TLR5: variants seen among roughly 807,000 people sequenced by gnomAD.
TLR5 encodes toll like receptor 5, also known as toll-like receptor 5.
For synonymous variants in TLR5, 373 were observed against 384.4 expected (o/e 0.97, Z 0.35); for missense variants, 944 against 999.8 (o/e 0.94, Z 0.75).
rs1656255413 is a variant in TLR5 at position 223,110,395 on chromosome 1, T to C, written c.*60A>G. On this transcript the variant is annotated 3_prime_UTR_variant, in exon 6 of 6. Transcript: ENST00000642603. ...AGAGGACCCCAAAATGATAACTTGG[T>C]GCAAATACAAAGTGAAGAGTTATTT... 6.3e-7 allele frequency: 1 copy of C among 1,585,122 alleles called. No homozygotes were observed. Among genetic ancestry groups the C allele is most frequent in the Non-Finnish European group, 8.6e-7 (1 of 1,157,198 alleles).
chr1:223,121,889 G>A lies in TLR5; in HGVS notation c.-4-8854C>T, dbSNP rs556142210. On this transcript the variant is annotated intron_variant, in intron 5 of 5. Coordinates refer to ENST00000642603, the MANE Select transcript of TLR5 (RefSeq NM_003268.6). ...CACTTTCTGTCTCAGTGAATTTCTTGTGGCTTCAAATGGGCCTCAGAGGTA... is the reference window on the plus strand; with the variant it reads ...CACTTTCTGTCTCAGTGAATTTCTTATGGCTTCAAATGGGCCTCAGAGGTA... Among the ~76,000 whole-genome samples, 408 of 152,334 alleles carry A rather than the reference G, an allele frequency of 2.7e-3. 3 individuals are homozygous for A. Among genetic ancestry groups the A allele is most frequent in the African/African-American group, 9.3e-3 (385 of 41,576 alleles).
chr1:223,117,062 G>C (rs957178368), intron 5 of TLR5, among the ~76,000 whole-genome samples: 2 of 152,192 alleles, frequency 1.3e-5, no homozygotes, highest in Non-Finnish European at 2.9e-5. Flanking sequence ...ACCACAGGGG[G>C]ACTCGGGTAT....
Position 223,111,948 on chromosome 1 carries a change from C to T in TLR5, c.1084G>A (p.Val362Ile), listed in dbSNP as rs761121432. 17 of 1,614,000 alleles carry T rather than the reference C, an allele frequency of 1.1e-5. No homozygotes were observed. Among genetic ancestry groups the T allele is most frequent in the Non-Finnish European group, 1.2e-5 (14 of 1,180,048 alleles). ...YSSNFYGLPK[V>I]AYIDLQKNHI... ...TTCTTTTGCAAATCAATGTAGGCTACCTTAGGTAGTCCATAGAAATTCGAA... is the reference window on the plus strand; with the variant it reads ...TTCTTTTGCAAATCAATGTAGGCTATCTTAGGTAGTCCATAGAAATTCGAA... Residue 362 changes from valine (V) to isoleucine (I), a missense_variant, in exon 6 of 6, where the codon GTA (valine) becomes ATA (isoleucine). Physicochemically the swap from Val to Ile is conservative, Grantham distance 29. Transcript: ENST00000642603.
At chr1:223,133,237 A>T (rs1238689948) in intron 4 of TLR5, among the ~76,000 whole-genome samples, 1 of 152,216 alleles carries the variant, frequency 6.6e-6, no homozygotes, top group Non-Finnish European at 1.5e-5. Context: ...GAGGTTAAGC[A>T]CTTGTCTAAG....
chr1:223,134,896 C>G (rs1397566525), intron 3 of TLR5, 32 bp from the exon 4 acceptor site: 1 of 151,726 alleles, frequency 6.6e-6, no homozygotes, highest in Non-Finnish European at 1.5e-5. Context: ...ATCTGCTAAG[C>G]GCTGCAAAAA....
chr1:223,115,683 G>A (rs1180508074), intron 5 of TLR5, among the ~76,000 whole-genome samples: 2 of 152,172 alleles, frequency 1.3e-5, no homozygotes, highest in African/African-American at 2.4e-5. Context: ...GACAGGCAGA[G>A]GTAAATGCAA....
chr1:223,127,289 G>A (rs1485058913), intron 5 of TLR5: 2 of 152,234 alleles, frequency 1.3e-5, no homozygotes, highest in East Asian at 1.9e-4. Context: ...AACCTGGAGG[G>A]CCATTGGAAC....
chr1:223,113,651 G>A (rs898945302), intron 5 of TLR5, among the ~76,000 whole-genome samples: 3 of 151,756 alleles, frequency 2.0e-5, no homozygotes, highest in Admixed American at 6.6e-5. Flanking sequence ...TAGAGATGGG[G>A]GTCTCGCTTT....
intron 1 of TLR5, 51 bp from the exon 2 acceptor site, chr1:223,141,814 TATATATATAGAGAGAGAGAGAGAGAG>T (rs1273767324): frequency 2.1e-5 from 1 of 46,854 alleles, no homozygotes; most frequent in Admixed American, 2.5e-4. Context: ...TATATATATA[TATATATATAGAGAGAGAGAGAGAGAG>T]AGAGAGAGAG....
chr1:223,118,384 T>C (rs1017568879), intron 5 of TLR5, among the ~76,000 whole-genome samples: 3 of 151,092 alleles, frequency 2.0e-5, no homozygotes, highest in African/African-American at 7.3e-5. Flanking sequence ...CCATCTCTAC[T>C]AAAAATACAA....
In TLR5 at chr1:223,116,619, C is replaced by T. The variant is rs115429845; in HGVS notation, c.-4-3584G>A. The stretch of plus-strand genomic sequence containing the variant: ...GCAGTGGGCTGCCACTGCTGGCCGC[C>T]GCAGCCTGCTTTTATTTCCTTATCT... On this transcript the variant is annotated intron_variant, in intron 5 of 5. Transcript: ENST00000642603. 2.7e-3 allele frequency among the ~76,000 whole-genome samples: 412 copies of T among 152,270 alleles called. 3 individuals carry two copies. Among genetic ancestry groups the T allele is most frequent in the African/African-American group, 9.3e-3 (387 of 41,552 alleles).
At chr1:223,139,962 GGC>G (rs1285624150) in intron 2 of TLR5, among the ~76,000 whole-genome samples, 1 of 152,094 alleles carries the variant, frequency 6.6e-6, no homozygotes, top group Non-Finnish European at 1.5e-5. Context: ...CACCAAATTC[GGC>G]TCAGGGGAGC....
chr1:223,113,891 C>G (rs1043726184), intron 5 of TLR5, among the ~76,000 whole-genome samples: 1 of 152,202 alleles, frequency 6.6e-6, no homozygotes, highest in African/African-American at 2.4e-5. Context: ...CCGGGTACCC[C>G]GTTCCTAGCC....
At position 223,131,253 on chromosome 1, in the gene TLR5, G is replaced by C. The variant is rs1358057383; in HGVS notation, c.-5+1222C>G. 1.3e-5 allele frequency among the ~76,000 whole-genome samples: 2 copies of C among 152,166 alleles called. No individual in the cohort carries two copies. The highest frequency in any genetic ancestry group is 4.1e-4 in the South Asian group (2 of 4,828). On this transcript the variant is annotated intron_variant, in intron 5 of 5. Transcript: ENST00000642603. The surrounding 1 kb of genome is among the most constrained non-coding windows in gnomAD (Gnocchi z 4.2). The stretch of plus-strand genomic sequence containing the variant: ...CAGACTCTAAGTGAATTCTGGAATG[G>C]TTGACTAGAGAGGCCCTCAGGGCTT...
At chr1:223,120,158 C>T (rs1352973911) in intron 5 of TLR5, among the ~76,000 whole-genome samples, 1 of 151,826 alleles carries the variant, frequency 6.6e-6, no homozygotes, top group Non-Finnish European at 1.5e-5. Flanking sequence ...TGTAGAGAAT[C>T]CCCTTCCCTT....
In TLR5 at chr1:223,110,872, A is replaced by T. The variant is rs142143294; in HGVS notation, c.2160T>A (p.Ser720Arg). The T allele has an allele frequency of 3.1e-3, 4,924 of 1,614,248 alleles. 15 individuals are homozygous for T. Among genetic ancestry groups the T allele is most frequent in the Non-Finnish European group, 4.1e-3 (4,787 of 1,180,046 alleles). ...ALLKHLDTQY[S>R]DQNRFNLCFE... ...AGCACAGGTTGAATCTGTTTTGGTC[A>T]CTGTATTGAGTGTCCAGGTGTTTGA... Residue 720 changes from serine to arginine, a missense_variant, in exon 6 of 6, where the codon AGT becomes AGA. Transcript: ENST00000642603.
At chr1:223,122,057 C>T (rs1198432138) in intron 5 of TLR5, among the ~76,000 whole-genome samples, 1 of 152,166 alleles carries the variant, frequency 6.6e-6, no homozygotes, top group Non-Finnish European at 1.5e-5. Flanking sequence ...GAGGGTGTTA[C>T]AGTTCAGAAG....
At chr1:223,125,725 T>A (rs988858845) in intron 5 of TLR5, among the ~76,000 whole-genome samples, 135 of 152,100 alleles carry the variant, frequency 8.9e-4, no homozygotes, top group African/African-American at 3.2e-3. Context: ...AATTTGAGAA[T>A]CACTGATGGA....
chr1:223,127,630 A>G (rs1657222940), intron 5 of TLR5: 1 of 152,252 alleles, frequency 6.6e-6, no homozygotes, highest in Non-Finnish European at 1.5e-5. Context: ...CAGACGGGGA[A>G]TTGCACTGCC....
Sources: allele counts gnomAD v4.1 joint callset (sites outside exome capture counted in the v4.1 genomes callset), GRCh38; gene constraint gnomAD v4.1.1; non-coding constraint Gnocchi (gnomAD v3.1); transcripts MANE v1.5; gene names NCBI Gene and HGNC (gene_info 2026-07-23, HGNC 2026-07-21).